RYR2: variants seen among roughly 807,000 people sequenced by gnomAD.
The protein encoded by RYR2 is ryanodine receptor 2, also known as cardiac muscle ryanodine receptor-calcium release channel.
A neutral mutation model predicts 601.1 loss-of-function variants in RYR2; 227 were observed. The observed-to-expected ratio is 0.38, with a 90% confidence interval of 0.34 to 0.42. The LOEUF (loss-of-function observed/expected upper bound fraction) is 0.42, where lower values mean the gene tolerates loss of function less well. Ranked by LOEUF, RYR2 falls within the 10% of genes least tolerant of loss-of-function variation. The pLI is 1.00. For synonymous variants in RYR2, 2,223 were observed against 2,175.1 expected (o/e 1.02, Z -0.61); for missense variants, 4,646 against 6,156.5 (o/e 0.75, Z 8.21).
At chr1:237,323,181 A>C (rs1695799732) in intron 2 of RYR2, among the ~76,000 whole-genome samples, 1 of 152,080 alleles carries the variant, frequency 6.6e-6, no homozygotes, top group Non-Finnish European at 1.5e-5. Context: ...GATTTTTTTT[A>C]TCATGAATAA....
chr1:237,733,784 TG>T, intron 79 of RYR2, 28 bp downstream of exon 79: 1 of 1,451,112 alleles, frequency 6.9e-7, no homozygotes, highest in Non-Finnish European at 9.7e-7. Context: ...CTGATTTTCA[TG>T]TTTAATTTTA....
chr1:237,132,325 A>G (rs562078771), intron 1 of RYR2, among the ~76,000 whole-genome samples: 105 of 152,332 alleles, frequency 6.9e-4, no homozygotes, highest in Middle Eastern at 3.4e-3. Context: ...CAAGTCCTTT[A>G]GGTGGTTGCA....
intron 25 of RYR2, among the ~76,000 whole-genome samples, chr1:237,538,677 A>G (rs1668927359): frequency 6.6e-6 from 1 of 151,974 alleles, no homozygotes; most frequent in South Asian, 2.1e-4. Context: ...AGGCTGAGCC[A>G]GGAAAATTGC....
intron 58 of RYR2, 120 bp from the exon 59 acceptor site, chr1:237,673,976 G>T: frequency 1.4e-6 from 1 of 702,892 alleles, no homozygotes; most frequent in Non-Finnish European, 2.4e-6. Context: ...AGTCTTATAT[G>T]CTCTATGTAT....
chr1:237,170,663 CAG>C (rs1267165090), intron 1 of RYR2, among the ~76,000 whole-genome samples: 1 of 152,130 alleles, frequency 6.6e-6, no homozygotes, highest in African/African-American at 2.4e-5. Flanking sequence ...AATTTGGAAA[CAG>C]AAGAGGTTAT....
chr1:237,561,419 T>G (rs532438049), intron 27 of RYR2, among the ~76,000 whole-genome samples: 18 of 152,144 alleles, frequency 1.2e-4, no homozygotes, highest in Non-Finnish European at 7.4e-5. Context: ...ATCTTCAGAG[T>G]TAGATGTTGA....
rs545933741 is a variant in RYR2, at chr1:237,396,351, A to C, written c.773+8168A>C. 3.9e-5 allele frequency among the ~76,000 whole-genome samples: 6 copies of C among 152,344 alleles called. No homozygotes were observed. In the East Asian group the frequency reaches 1.2e-3, roughly 29 times the overall value. On this transcript the variant is annotated intron_variant, in intron 10 of 104. Transcript: ENST00000366574. ...TACATACGGGAAGAGTCTCTGGACC[A>C]ATAGAATAGGAATCTGAACGTTGAT...
chr1:237,496,430 A>G (rs926415873), intron 19 of RYR2, 81 bp from the exon 20 acceptor site: 1 of 1,564,378 alleles, frequency 6.4e-7, no homozygotes, highest in Admixed American at 1.8e-5. Flanking sequence ...TGAAATACAC[A>G]AGTGAAATTG....
At chr1:237,065,369 T>A (rs1355843130) in intron 1 of RYR2, among the ~76,000 whole-genome samples, 2 of 137,706 alleles carry the variant, frequency 1.5e-5, no homozygotes, top group African/African-American at 5.6e-5. Flanking sequence ...AACCTCCACC[T>A]CCCGGGTTCA....
intron 29 of RYR2, among the ~76,000 whole-genome samples, chr1:237,586,364 C>T (rs1362581779): frequency 6.6e-6 from 1 of 151,906 alleles, no homozygotes; most frequent in Non-Finnish European, 1.5e-5. Flanking sequence ...CTTTTTGTAC[C>T]ATTTAAAATT....
intron 63 of RYR2, among the ~76,000 whole-genome samples, chr1:237,696,712 G>A (rs1184563208): frequency 7.5e-5 from 11 of 147,476 alleles, no homozygotes; most frequent in African/African-American, 2.8e-4. Context: ...ACCATTCAGT[G>A]GTGCCGCCTT....
At chr1:237,414,394 T>C (rs981677263) in intron 10 of RYR2, among the ~76,000 whole-genome samples, 2 of 152,178 alleles carry the variant, frequency 1.3e-5, no homozygotes, top group Non-Finnish European at 2.9e-5. Context: ...TGGGAATTTG[T>C]TGGAACTGCA....
chr1:237,159,889 G>T (rs1675819203), intron 1 of RYR2, among the ~76,000 whole-genome samples: 1 of 152,152 alleles, frequency 6.6e-6, no homozygotes, highest in African/African-American at 2.4e-5. Context: ...ACACTCCCTT[G>T]AAATTATTAA....
chr1:237,317,179 T>C (rs1363871393), intron 2 of RYR2, among the ~76,000 whole-genome samples: 1 of 152,162 alleles, frequency 6.6e-6, no homozygotes, highest in African/African-American at 2.4e-5. Context: ...AGTGTATATA[T>C]AGGCAAAAAG....
chr1:237,496,420 T>C lies in RYR2; in HGVS notation c.1962-91T>C, dbSNP rs563808180. On this transcript the variant is annotated intron_variant, in intron 19 of 104. Transcript: ENST00000366574. ...AAGACTCTGTCTCAATAAAATTAAA[T>C]GAAATACACAAGTGAAATTGTGAGA... 352 of 1,536,200 alleles carry C rather than the reference T, an allele frequency of 2.3e-4. 10 individuals carry two copies. In the South Asian group the frequency reaches 4.2e-3, roughly 18 times the overall value.
chr1:237,327,753 C>A (rs1365159524), intron 2 of RYR2, among the ~76,000 whole-genome samples: 1 of 152,108 alleles, frequency 6.6e-6, no homozygotes, highest in African/African-American at 2.4e-5. Flanking sequence ...TTTTTATATT[C>A]TTGACACTGT....
At chr1:237,490,960 T>C (rs1490780074) in intron 17 of RYR2, among the ~76,000 whole-genome samples, 3 of 152,178 alleles carry the variant, frequency 2.0e-5, no homozygotes, top group South Asian at 2.1e-4. Context: ...GTTTTCTGTA[T>C]GTTGGGTCTA....
intron 3 of RYR2, among the ~76,000 whole-genome samples, chr1:237,334,901 G>A (rs147107036): frequency 6.6e-6 from 1 of 152,306 alleles, no homozygotes; most frequent in Non-Finnish European, 1.5e-5. Context: ...GCCATAGTTA[G>A]CTCTGTGGCT....
chr1:237,140,889 C>G (rs77143193), intron 1 of RYR2, among the ~76,000 whole-genome samples: 2,038 of 152,308 alleles, frequency 0.013, 56 homozygotes, highest in African/African-American at 0.047. Context: ...AGGCCGAGCT[C>G]AGTGTCTTCT....
Sources: allele counts gnomAD v4.1 joint callset (sites outside exome capture counted in the v4.1 genomes callset), GRCh38; gene constraint gnomAD v4.1.1; transcripts MANE v1.5; gene names NCBI Gene and HGNC (gene_info 2026-07-23, HGNC 2026-07-21).